Variants in HUWE1 observed in about 807,000 individuals in gnomAD.
HUWE1 encodes HECT, UBA and WWE domain containing E3 ubiquitin protein ligase 1, also known as E3 ubiquitin-protein ligase HUWE1.
HUWE1 carries 18 observed loss-of-function variants against 299.4 expected under a neutral mutation model. The ratio of observed to expected loss-of-function variants is 0.06; its 90% CI spans 0.04 to 0.09. HUWE1 has a LOEUF of 0.09. HUWE1 is among the 10% of genes least tolerant of loss of function. The pLI is 1.00. For synonymous variants in HUWE1, 1,317 were observed against 1,286.1 expected (o/e 1.02, Z -0.51); for missense variants, 1,832 against 3,462.3 (o/e 0.53, Z 11.82).
chrX:53,535,121 G>C (rs1324685354), intron 81 of HUWE1, among the ~76,000 whole-genome samples: 1 of 110,755 alleles, frequency 9.0e-6, no homozygotes, highest in Non-Finnish European at 1.9e-5. Context: ...TTTTAGTAGA[G>C]ACGGGGTTTC....
rs2147218905 is a variant in HUWE1 at position 53,547,897 on chromosome X, T to A, written c.10412A>T (p.Glu3471Val). 1 of 1,208,580 alleles carries A rather than the reference T, an allele frequency of 8.3e-7. No individual in the cohort carries two copies. Among genetic ancestry groups the A allele is most frequent in the African/African-American group, 1.8e-5 (1 of 57,010 alleles). The change falls in exon 68 of 84, where the codon GAA (glutamate) becomes GTA (valine). Residue 3471 changes from glutamate (E) to valine (V), a missense_variant. Physicochemically the swap from Glu to Val is moderately radical, Grantham distance 121. This residue lies in a region of HUWE1 where 119 missense variants were observed against 124.6 expected (regional missense o/e 0.96). Transcript: ENST00000262854. Reference sequence around the variant, plus strand: ...ACCGCTGCCAGAATTAGCCTGTGCTTCTGACACCTTGTTTTCTGGGAGAGC... The same window carrying A: ...ACCGCTGCCAGAATTAGCCTGTGCTACTGACACCTTGTTTTCTGGGAGAGC... The part of the protein sequence containing the change: ...SIALPENKVS[E>V]AQANSGSGAS...
At chrX:53,629,366 G>T (rs2066721983) in intron 13 of HUWE1, 150 bp downstream of exon 13, 2 of 477,040 alleles carry the variant, frequency 4.2e-6, no homozygotes, top group Non-Finnish European at 7.5e-6. Context: ...AAACATCAAT[G>T]AATTTCGTGT....
chrX:53,590,532 C>T (rs782533249), intron 34 of HUWE1, 33 bp from the exon 35 acceptor site: 2 of 1,037,373 alleles, frequency 1.9e-6, no homozygotes, highest in African/African-American at 1.9e-5. Context: ...AGTAAGGATA[C>T]ACACTCAAAA....
chrX:53,644,708 G>C (rs1557034086), intron 7 of HUWE1, among the ~76,000 whole-genome samples: 1 of 112,227 alleles, frequency 8.9e-6, no homozygotes, highest in Non-Finnish European at 1.9e-5. Context: ...CTTTTAAAAA[G>C]CCAGCCATAA....
intron 43 of HUWE1, among the ~76,000 whole-genome samples, chrX:53,577,394 G>C (rs2063159445): frequency 1.0e-5 from 1 of 98,005 alleles, no homozygotes; most frequent in Admixed American, 1.1e-4. Flanking sequence ...GAAATGCCCA[G>C]CACAGGGGCA....
intron 7 of HUWE1, among the ~76,000 whole-genome samples, chrX:53,634,776 A>G (rs1430416485): frequency 8.9e-6 from 1 of 112,411 alleles, no homozygotes; most frequent in African/African-American, 3.2e-5. Flanking sequence ...TCTTTTTGAC[A>G]TGAGCTGAGT....
intron 80 of HUWE1, chrX:53,535,931 T>TTG: frequency 3.3e-6 from 1 of 300,844 alleles, no homozygotes; most frequent in Non-Finnish European, 5.9e-6. Context: ...AGTTTTTTTT[T>TTG]TTTTTTTTTT....
chrX:53,568,807 TGTAGAA>T lies in HUWE1; in HGVS notation c.6586_6591del (p.Phe2196_Tyr2197del). On this transcript the variant is annotated inframe_deletion, in exon 49 of 84. Transcript: ENST00000262854. ...TGCTGGGTCTTCGCTGTGGCACTGC[TGTAGAA>T]GCTGGAGGTGGAGGGGCAGGACTCC... 1 of 1,209,475 alleles carries T rather than the reference TGTAGAA, an allele frequency of 8.3e-7. No homozygotes were observed.
rs2066406690 is a variant in HUWE1 at position 53,625,242 on chromosome X, T to C, written c.1506A>G (p.Pro502=). ...TGGATTTCAGAAGTGCTGCTCGTTG[T>C]GGAATACACTGGACTCCTGGCAATG... ...ETDMDGVQCI[P]QRAALLKSML... The change falls in exon 18 of 84, where the codon CCA becomes CCG. Residue 502 remains proline (P), a synonymous_variant. Transcript: ENST00000262854. 7 of 1,182,379 alleles carry C rather than the reference T, an allele frequency of 5.9e-6. No homozygotes were observed. The highest frequency in any genetic ancestry group is 4.7e-4 in the Middle Eastern group (2 of 4,260).
At position 53,545,166 on chromosome X, in the gene HUWE1, G is replaced by A; in HGVS notation, c.10916-5C>T. On this transcript the variant is annotated splice_polypyrimidine_tract_variant and splice_region_variant and intron_variant, in intron 70 of 83. Coordinates refer to ENST00000262854, the MANE Select transcript of HUWE1 (RefSeq NM_031407.7). ...GCAGCTCGGCCAGCAGGGTACCTGA[G>A]CAGGCAGAGGAGTCAGCAAGTGTTC... The A allele has an allele frequency of 8.3e-7, 1 of 1,209,608 alleles. No individual in the cohort carries two copies. The highest frequency in any genetic ancestry group is 1.8e-5 in the South Asian group (1 of 56,491).
intron 3 of HUWE1, among the ~76,000 whole-genome samples, chrX:53,664,740 G>T (rs1333650443): frequency 9.0e-6 from 1 of 111,638 alleles, no homozygotes; most frequent in African/African-American, 3.3e-5. Context: ...AAATTCAGGT[G>T]AGAGCTGCCC....
In HUWE1 at chrX:53,558,847, G is replaced by A. The variant is rs782700359; in HGVS notation, c.8006-38C>T. 17 of 1,204,493 alleles carry A rather than the reference G, an allele frequency of 1.4e-5. No individual in the cohort carries two copies. In the Admixed American group the frequency reaches 3.5e-4, roughly 25 times the overall value. On this transcript the variant is annotated intron_variant, in intron 58 of 83. Transcript: ENST00000262854. ...GGCAAAAATCAAAGGCTGCTCTGGT[G>A]GGGTCAGGGAGGAAGCCAAGAGGCA... is the stretch of plus-strand genomic sequence containing the variant.
At chrX:53,560,122 A>G in intron 56 of HUWE1, 66 bp downstream of exon 56, 1 of 914,939 alleles carries the variant, frequency 1.1e-6, no homozygotes, top group Non-Finnish European at 1.6e-6. Context: ...AGGTTAAGAC[A>G]ATGCTAAAGC....
In HUWE1 at chrX:53,562,206, G is replaced by A; in HGVS notation, c.7243C>T (p.His2415Tyr). 1 of 1,203,393 alleles carries A rather than the reference G, an allele frequency of 8.3e-7. No homozygotes were observed. ...CCACTGCTGTCCTCTTCCTGAGTGTGCTCCTCCTCATCCTCAGGGTCCAGG... is the reference window on the plus strand; with the variant it reads ...CCACTGCTGTCCTCTTCCTGAGTGTACTCCTCCTCATCCTCAGGGTCCAGG... ...NILDPEDEEE[H>Y]TQEEDSSGSN... Residue 2415 changes from histidine (H) to tyrosine (Y), a missense_variant, in exon 54 of 84, where the codon CAC becomes TAC. By Grantham distance (83) the His-to-Tyr change is moderately conservative (BLOSUM62 2). Coordinates refer to ENST00000262854, the MANE Select transcript of HUWE1 (RefSeq NM_031407.7).
At position 53,588,422 on chromosome X, in the gene HUWE1, T is replaced by C. The variant is rs782532594; in HGVS notation, c.4574A>G (p.Asn1525Ser). 37 of 1,208,481 alleles carry C rather than the reference T, an allele frequency of 3.1e-5. No homozygotes were observed. Among genetic ancestry groups the C allele is most frequent in the Non-Finnish European group, 4.0e-5 (36 of 894,500 alleles). Residue 1525 changes from asparagine (N) to serine (S), a missense_variant, in exon 37 of 84, where the codon AAT becomes AGT. Physicochemically the swap from Asn to Ser is conservative, Grantham distance 46. Transcript: ENST00000262854. ...TAAAAGCAAGATTCTAGTAGCCAAATTGGAGGCCTGGGGCAGTGTGGCCAT... is the reference window on the plus strand; with the variant it reads ...TAAAAGCAAGATTCTAGTAGCCAAACTGGAGGCCTGGGGCAGTGTGGCCAT... ...SQMATLPQAS[N>S]LATRILLLTL...
intron 40 of HUWE1, 88 bp downstream of exon 40, chrX:53,584,924 T>C: frequency 1.0e-6 from 1 of 987,241 alleles, no homozygotes; most frequent in Non-Finnish European, 1.4e-6. Context: ...AACCTCAATG[T>C]GTGGTGTTGG....
chrX:53,557,779 C>T (rs1220848971), intron 59 of HUWE1, among the ~76,000 whole-genome samples: 1 of 111,397 alleles, frequency 9.0e-6, no homozygotes, highest in Admixed American at 9.5e-5. Flanking sequence ...TTTATTTTGT[C>T]CACTCTAGTC....
At chrX:53,591,147 G>C (rs782712873) in intron 33 of HUWE1, 25 bp from the exon 34 acceptor site, 1 of 1,203,504 alleles carries the variant, frequency 8.3e-7, no homozygotes, top group Non-Finnish European at 1.1e-6. Context: ...CAAGGGCTCA[G>C]AATCACATAA....
chrX:53,538,300 C>T, intron 77 of HUWE1, 37 bp downstream of exon 77: 1 of 994,783 alleles, frequency 1.0e-6, no homozygotes, highest in Non-Finnish European at 1.4e-6. Flanking sequence ...GGGGAGTTCT[C>T]ACCACCCCTC....
Sources: allele counts gnomAD v4.1 joint callset (sites outside exome capture counted in the v4.1 genomes callset), GRCh38; gene constraint gnomAD v4.1.1; regional missense constraint gnomAD v4.1.1; transcripts MANE v1.5; gene names NCBI Gene and HGNC (gene_info 2026-07-23, HGNC 2026-07-21).